Variants in PARVA observed in about 807,000 individuals in gnomAD.
The protein encoded by PARVA is parvin alpha, also known as alpha-parvin.
Under a neutral mutation model 52.6 loss-of-function variants are expected in PARVA, and 25 were observed. The ratio of observed to expected loss-of-function variants is 0.48; its 90% CI spans 0.35 to 0.66. The LOEUF (loss-of-function observed/expected upper bound fraction) is 0.66. PARVA is among the 30% of genes least tolerant of loss of function. The probability of loss-of-function intolerance (pLI) is 0.01; values close to 1 mark genes in which losing one functional copy is unlikely to be tolerated. For missense variants in PARVA, 373 were observed against 450.9 expected, an observed-to-expected ratio of 0.83 and a Z score of 1.56; for synonymous variants, 185 against 179.1, an observed-to-expected ratio of 1.03 and a Z score of -0.26.
intron 1 of PARVA, among the ~76,000 whole-genome samples, chr11:12,413,213 C>T (rs962189780): frequency 6.6e-6 from 1 of 152,144 alleles, no homozygotes; most frequent in African/African-American, 2.4e-5. Context: ...AATTGAGGCC[C>T]GGGAACATTG....
chr11:12,392,759 T>G (rs1239141958), intron 1 of PARVA, among the ~76,000 whole-genome samples: 4 of 152,170 alleles, frequency 2.6e-5, no homozygotes, highest in Non-Finnish European at 5.9e-5. Flanking sequence ...TCAAGTGTAT[T>G]TAAACATTTT....
intron 3 of PARVA, among the ~76,000 whole-genome samples, chr11:12,476,141 C>T (rs900749035): frequency 6.6e-6 from 1 of 152,176 alleles, no homozygotes; most frequent in Admixed American, 6.5e-5. Context: ...CAATGTTGAT[C>T]TCCCAGACCT....
intron 1 of PARVA, among the ~76,000 whole-genome samples, chr11:12,460,724 A>C (rs891818258): frequency 6.6e-6 from 1 of 152,242 alleles, no homozygotes; most frequent in Non-Finnish European, 1.5e-5. Flanking sequence ...GAGCCACTGC[A>C]AAAATAAATG....
chr11:12,525,672 G>T (rs1394972579), intron 12 of PARVA, among the ~76,000 whole-genome samples: 2 of 152,156 alleles, frequency 1.3e-5, no homozygotes, highest in East Asian at 3.9e-4. Context: ...TCCTGGCTCA[G>T]CATTAGCAAG....
Position 12,528,200 on chromosome 11 carries a change from G to GATT in PARVA, c.*276_*278dup, listed in dbSNP as rs2135094627. 3 of 500,016 alleles carry GATT rather than the reference G, an allele frequency of 6.0e-6. No individual in the cohort carries two copies. Among genetic ancestry groups the GATT allele is most frequent in the Non-Finnish European group, 1.1e-5 (3 of 278,532 alleles). The allele number at this position is 500,016 out of a possible 1,614,324, so 31.0% of individuals were successfully genotyped here. ...GTGCCAGGTCCAGATTTCCCTCCAT[G>GATT]ATTTGGGAACCAGCTTAGGCAAAAG... On this transcript the variant is annotated 3_prime_UTR_variant, in exon 13 of 13. Coordinates refer to ENST00000334956, the MANE Select transcript of PARVA (RefSeq NM_018222.5).
At chr11:12,502,566 T>G (rs1589982639) in intron 5 of PARVA, among the ~76,000 whole-genome samples, 1 of 150,746 alleles carries the variant, frequency 6.6e-6, no homozygotes, top group African/African-American at 2.4e-5. Context: ...TGCCAGGTAA[T>G]TTCACATAAG....
intron 12 of PARVA, among the ~76,000 whole-genome samples, chr11:12,525,567 T>A (rs533050367): frequency 6.6e-6 from 1 of 152,162 alleles, no homozygotes; most frequent in African/African-American, 2.4e-5. Flanking sequence ...TGAGTAGAAT[T>A]TAAGAAACAC....
At chr11:12,459,329 C>T (rs919798948) in intron 1 of PARVA, among the ~76,000 whole-genome samples, 2 of 151,808 alleles carry the variant, frequency 1.3e-5, no homozygotes, top group Admixed American at 6.6e-5. Context: ...CACTTAAGCC[C>T]AGGAGGTCAA....
At chr11:12,482,628 A>C (rs1014589362) in intron 4 of PARVA, among the ~76,000 whole-genome samples, 14 of 151,340 alleles carry the variant, frequency 9.3e-5, no homozygotes, top group African/African-American at 3.4e-4. Flanking sequence ...TCCATCTCAA[A>C]AAAAAAAAAA....
intron 4 of PARVA, among the ~76,000 whole-genome samples, chr11:12,489,163 TAAAA>T (rs796213841): frequency 7.3e-6 from 1 of 137,084 alleles, no homozygotes; most frequent in African/African-American, 2.7e-5. Context: ...CACCTCTATT[TAAAA>T]AAAAAAAAGA....
chr11:12,421,016 CT>C lies in PARVA; in HGVS notation c.136+43246del, dbSNP rs10622434. ...ATCTGTTTATATCAGCATGTTAGGA[CT>C]TTTTTTTTTTTTGTACTTCTCAATC... On this transcript the variant is annotated intron_variant, in intron 1 of 12. Coordinates refer to ENST00000334956, the MANE Select transcript of PARVA (RefSeq NM_018222.5). Among the ~76,000 whole-genome samples, 203 of 142,174 alleles carry C rather than the reference CT, an allele frequency of 1.4e-3. 1 individual carries two copies. Among genetic ancestry groups the C allele is most frequent in the Middle Eastern group, 3.6e-3 (1 of 278 alleles). 93.3% of individuals were successfully genotyped at this position (142,174 alleles called of 152,430 possible).
intron 1 of PARVA, among the ~76,000 whole-genome samples, chr11:12,381,817 A>G (rs911539248): frequency 2.0e-5 from 3 of 152,212 alleles, no homozygotes; most frequent in East Asian, 1.9e-4. Flanking sequence ...GTAGGTAACC[A>G]CAGCTGCACA....
At position 12,533,086 on chromosome 11, in the gene PARVA, G is replaced by A. The variant is rs11022397; in HGVS notation, c.*5161G>A. Among the ~76,000 whole-genome samples, 6,035 of 152,216 alleles carry A rather than the reference G, an allele frequency of 0.04. 400 individuals carry two copies. The highest frequency in any genetic ancestry group is 0.26 in the East Asian group (1,338 of 5,160). On this transcript the variant is annotated 3_prime_UTR_variant, in exon 13 of 13. Transcript: ENST00000334956. ...CACCAATCTGGTCTTAGCAACCTCT[G>A]GGCATCCCATAGCTCCTCCTAACCT...
At chr11:12,508,201 T>G (rs944040120) in intron 6 of PARVA, among the ~76,000 whole-genome samples, 2 of 151,516 alleles carry the variant, frequency 1.3e-5, no homozygotes, top group East Asian at 3.9e-4. Flanking sequence ...CAGTTAAATG[T>G]GTTTCTCAGC....
chr11:12,491,596 G>A (rs1941234682), intron 4 of PARVA, among the ~76,000 whole-genome samples: 1 of 151,970 alleles, frequency 6.6e-6, no homozygotes, highest in African/African-American at 2.4e-5. Flanking sequence ...AGACTTTAAG[G>A]CAAAAGGCAT....
At chr11:12,426,596 G>A (rs1357095902) in intron 1 of PARVA, among the ~76,000 whole-genome samples, 1 of 152,200 alleles carries the variant, frequency 6.6e-6, no homozygotes, top group Non-Finnish European at 1.5e-5. Flanking sequence ...GATGACGTAT[G>A]TGCTTTTAAT....
intron 1 of PARVA, among the ~76,000 whole-genome samples, chr11:12,426,129 T>C (rs1940230248): frequency 1.3e-5 from 2 of 152,202 alleles, no homozygotes; most frequent in South Asian, 2.1e-4. Flanking sequence ...GACAAATAAG[T>C]GTATAACTTC....
chr11:12,490,242 G>A (rs934054619), intron 4 of PARVA, among the ~76,000 whole-genome samples: 1 of 146,250 alleles, frequency 6.8e-6, no homozygotes, highest in Non-Finnish European at 1.5e-5. Flanking sequence ...AGTTAGGAGA[G>A]GCGGGGCTCA....
intron 1 of PARVA, among the ~76,000 whole-genome samples, chr11:12,441,200 C>A (rs180976109): frequency 1.3e-5 from 2 of 152,172 alleles, no homozygotes; most frequent in South Asian, 2.1e-4. Context: ...ACAAACTTTG[C>A]GTTCCTGACC....
Sources: allele counts gnomAD v4.1 joint callset (sites outside exome capture counted in the v4.1 genomes callset), GRCh38; gene constraint gnomAD v4.1.1; transcripts MANE v1.5; gene names NCBI Gene and HGNC (gene_info 2026-07-23, HGNC 2026-07-21).